Variants in RORA observed in about 807,000 individuals in gnomAD.
RORA encodes the protein RAR related orphan receptor A.
RORA carries 7 observed loss-of-function variants against 69.5 expected under a neutral mutation model. The ratio of observed to expected loss-of-function variants is 0.10; its 90% CI spans 0.06 to 0.19. The LOEUF is 0.19. Among genes scored for constraint, RORA ranks in the 10% least tolerant of loss-of-function variants. RORA has a pLI of 1.00. For missense variants in RORA, 457 were observed against 663.0 expected (o/e 0.69, Z 3.41); for synonymous variants, 261 against 240.8 (o/e 1.08, Z -0.78).
chr15:61,175,071 A>C (rs4775370), intron 1 of RORA, among the ~76,000 whole-genome samples: 2 of 152,146 alleles, frequency 1.3e-5, no homozygotes, highest in East Asian at 3.9e-4. Flanking sequence ...AATAGAAGTG[A>C]AAGAAGGAAA....
chr15:60,582,647 T>C (rs775135489), intron 2 of RORA, among the ~76,000 whole-genome samples: 31 of 152,178 alleles, frequency 2.0e-4, no homozygotes, highest in Non-Finnish European at 3.7e-4. Context: ...TCAACCAGAA[T>C]TATCTGAGTT....
chr15:60,711,620 C>G (rs1196323494), intron 1 of RORA, among the ~76,000 whole-genome samples: 3 of 152,192 alleles, frequency 2.0e-5, no homozygotes, highest in Non-Finnish European at 4.4e-5. Flanking sequence ...TCTCCTTCCT[C>G]TGTCTTGTCA....
chr15:60,933,181 A>G (rs1892423814), intron 1 of RORA, among the ~76,000 whole-genome samples: 1 of 152,108 alleles, frequency 6.6e-6, no homozygotes, highest in African/African-American at 2.4e-5. Context: ...TGATCATACT[A>G]ATCTTCCAAC....
chr15:61,093,987 C>T (rs1282759236), intron 1 of RORA, among the ~76,000 whole-genome samples: 5 of 152,298 alleles, frequency 3.3e-5, no homozygotes, highest in East Asian at 1.9e-4. Context: ...CTTCAAGGCA[C>T]GTGATGGCCA....
chr15:60,526,374 C>T (rs2066356385), intron 3 of RORA, among the ~76,000 whole-genome samples: 1 of 152,224 alleles, frequency 6.6e-6, no homozygotes, highest in African/African-American at 2.4e-5. Flanking sequence ...GGGACCTGCC[C>T]CAAGCCAGGT....
At chr15:60,547,240 CA>C (rs1374797810) in intron 2 of RORA, among the ~76,000 whole-genome samples, 1 of 151,968 alleles carries the variant, frequency 6.6e-6, no homozygotes, top group Non-Finnish European at 1.5e-5. Context: ...GTCATTGCCC[CA>C]AACTACTTGG....
intron 3 of RORA, chr15:60,530,692 T>G (rs974110162): frequency 8.5e-5 from 13 of 152,164 alleles, no homozygotes; most frequent in African/African-American, 3.1e-4. Context: ...CAGTAGTCAT[T>G]TGTGTCTATA....
intron 8 of RORA, among the ~76,000 whole-genome samples, chr15:60,502,082 GT>G (rs1487183112): frequency 6.6e-6 from 1 of 152,216 alleles, no homozygotes; most frequent in Non-Finnish European, 1.5e-5. Flanking sequence ...CCGGTTTCAA[GT>G]GATTCTCCTG....
At chr15:61,047,098 C>G (rs1248211353) in intron 1 of RORA, among the ~76,000 whole-genome samples, 1 of 152,226 alleles carries the variant, frequency 6.6e-6, no homozygotes, top group African/African-American at 2.4e-5. Flanking sequence ...AGGATTCTCT[C>G]TTTTTATTCT....
Position 61,149,726 on chromosome 15 carries a change from G to C in RORA, c.166+79327C>G, listed in dbSNP as rs1489194182. On this transcript the variant is annotated intron_variant, in intron 1 of 10. Coordinates refer to ENST00000335670, the MANE Select transcript of RORA (RefSeq NM_134261.3). Reference sequence around the variant, plus strand: ...CTGGAATAGCTATTTATTTCATATTGTCATAATGATAAAACATCCTGATAC... The same window carrying C: ...CTGGAATAGCTATTTATTTCATATTCTCATAATGATAAAACATCCTGATAC... Among the ~76,000 whole-genome samples, 3 of 152,154 alleles carry C rather than the reference G, an allele frequency of 2.0e-5. No individual in the cohort carries two copies. In the East Asian group the frequency reaches 5.8e-4, roughly 29 times the overall value.
At position 60,531,561 on chromosome 15, in the gene RORA, TCTC is replaced by T. The variant is rs1233255384; in HGVS notation, c.282+202_282+204del. On this transcript the variant is annotated intron_variant, in intron 3 of 10. Coordinates refer to ENST00000335670, the MANE Select transcript of RORA (RefSeq NM_134261.3). The surrounding 1 kb of genome is among the most constrained non-coding windows in gnomAD (Gnocchi z 4.8). ...GCAATGCTCAAATACCTTTTTGTAA[TCTC>T]CTATTATTTTGAAGGAAGGAGTAAA... 10 of 493,712 alleles carry T rather than the reference TCTC, an allele frequency of 2.0e-5. No individual in the cohort carries two copies. The highest frequency in any genetic ancestry group is 1.3e-4 in the Admixed American group (3 of 22,882). 30.6% of individuals were successfully genotyped at this position (493,712 alleles called of 1,614,324 possible).
intron 3 of RORA, among the ~76,000 whole-genome samples, chr15:60,524,675 C>T (rs1038957166): frequency 2.0e-5 from 3 of 152,076 alleles, no homozygotes; most frequent in African/African-American, 7.2e-5. Flanking sequence ...TCTTTGTTTC[C>T]AGTAGCTAAC....
At position 60,531,868 on chromosome 15, in the gene RORA, C is replaced by CA; in HGVS notation, c.197-18dup. The CA allele has an allele frequency of 6.6e-7, 1 of 1,522,604 alleles. No individual in the cohort carries two copies. The highest frequency in any genetic ancestry group is 9.0e-7 in the Non-Finnish European group (1 of 1,115,894). The allele number at this position is 1,522,604 out of a possible 1,614,324, so 94.3% of individuals were successfully genotyped here. ...CAATTTGAGCTGCAACAGAAGCACG[C>CA]AACCAGTTAATTACATTTTCTTTTA... On this transcript the variant is annotated splice_polypyrimidine_tract_variant and intron_variant, in intron 2 of 10. Coordinates refer to ENST00000335670, the MANE Select transcript of RORA (RefSeq NM_134261.3). The surrounding 1 kb of genome is among the most constrained non-coding windows in gnomAD (Gnocchi z 4.8).
At chr15:60,743,462 G>A (rs922242712) in intron 1 of RORA, among the ~76,000 whole-genome samples, 1 of 152,180 alleles carries the variant, frequency 6.6e-6, no homozygotes, top group African/African-American at 2.4e-5. Flanking sequence ...TTAGGCTTAA[G>A]TGGAAACCTT....
intron 2 of RORA, among the ~76,000 whole-genome samples, chr15:60,597,512 T>TACACAC (rs56774445): frequency 0.015 from 663 of 43,126 alleles, 44 homozygotes; most frequent in East Asian, 0.053. Flanking sequence ...GTACAGGAGA[T>TACACAC]ACACACACAC....
chr15:60,703,042 G>A (rs920353595), intron 1 of RORA, among the ~76,000 whole-genome samples: 3 of 152,002 alleles, frequency 2.0e-5, no homozygotes, highest in Non-Finnish European at 4.4e-5. Flanking sequence ...TAAGTTTAGA[G>A]CAAGGGAATA....
intron 2 of RORA, among the ~76,000 whole-genome samples, chr15:60,677,602 GT>G (rs2070573871): frequency 9.4e-6 from 1 of 106,904 alleles, no homozygotes; most frequent in South Asian, 3.0e-4. Context: ...TTTCATTTTT[GT>G]TTTCTACAAA....
At chr15:60,749,192 T>C (rs1037696410) in intron 1 of RORA, among the ~76,000 whole-genome samples, 2 of 152,206 alleles carry the variant, frequency 1.3e-5, no homozygotes, top group Admixed American at 1.3e-4. Flanking sequence ...CAAATTTTAA[T>C]TTCATACAGA....
At chr15:60,592,296 G>T in intron 2 of RORA, 1 of 952,154 alleles carries the variant, frequency 1.1e-6, no homozygotes, top group Non-Finnish European at 1.4e-6. Context: ...GTGCGTTCGG[G>T]CAGGCGCGCC....
Sources: allele counts gnomAD v4.1 joint callset (sites outside exome capture counted in the v4.1 genomes callset), GRCh38; gene constraint gnomAD v4.1.1; non-coding constraint Gnocchi (gnomAD v3.1); transcripts MANE v1.5; gene names NCBI Gene and HGNC (gene_info 2026-07-23, HGNC 2026-07-21).